Variants in CNTN4 observed in about 807,000 individuals in gnomAD.
CNTN4 encodes contactin 4, also known as contactin-4.
Under a neutral mutation model 122.5 loss-of-function variants are expected in CNTN4, and 77 were observed. The observed-to-expected ratio is 0.63, with a 90% CI of 0.52 to 0.76. The LOEUF (loss-of-function observed/expected upper bound fraction) is 0.76, where lower values mean the gene tolerates loss of function less well. Ranked by LOEUF, CNTN4 falls within the 30% of genes least tolerant of loss-of-function variation. The pLI, the probability that CNTN4 is intolerant of heterozygous loss-of-function variation, is 0.00. For missense variants in CNTN4, 1,256 were observed against 1,259.1 expected (o/e 1.00, Z 0.04); for synonymous variants, 512 against 447.0 (o/e 1.15, Z -1.83).
intron 3 of CNTN4, among the ~76,000 whole-genome samples, chr3:2,443,172 G>A (rs2048500636): frequency 6.6e-6 from 1 of 151,256 alleles, no homozygotes; most frequent in East Asian, 1.9e-4. Context: ...AAGAAGAAAA[G>A]TAACTTAGAA....
chr3:3,037,435 C>T lies in CNTN4; in HGVS notation c.2092+107C>T. Reference sequence around the variant, plus strand: ...CAGCGCTCATGCGGCTCTGTGTTAGCTCACCCTTCCCTTTAAATGTTTATA... The same window carrying T: ...CAGCGCTCATGCGGCTCTGTGTTAGTTCACCCTTCCCTTTAAATGTTTATA... On this transcript the variant is annotated intron_variant, in intron 18 of 24. Transcript: ENST00000418658. The T allele has an allele frequency of 2.1e-6, 3 of 1,428,794 alleles. No homozygotes were observed. In the South Asian group the frequency reaches 3.5e-5, roughly 16 times the overall value. The allele number at this position is 1,428,794 out of a possible 1,614,324, so 88.5% of individuals were successfully genotyped here.
intron 3 of CNTN4, among the ~76,000 whole-genome samples, chr3:2,381,192 G>C (rs1055474274): frequency 1.3e-5 from 2 of 151,988 alleles, no homozygotes; most frequent in African/African-American, 4.8e-5. Context: ...ATTTTTAGTA[G>C]AGATGGGGTT....
chr3:3,010,263 C>G (rs534301782), intron 14 of CNTN4, among the ~76,000 whole-genome samples: 31 of 152,134 alleles, frequency 2.0e-4, no homozygotes, highest in African/African-American at 5.5e-4. Context: ...TCTTCCAGTG[C>G]TCTGTTACCT....
chr3:2,170,242 C>T (rs1165787490), intron 2 of CNTN4, among the ~76,000 whole-genome samples: 1 of 151,856 alleles, frequency 6.6e-6, no homozygotes, highest in Non-Finnish European at 1.5e-5. Context: ...ATGGCGGGAA[C>T]CCGGGAGGCG....
intron 3 of CNTN4, among the ~76,000 whole-genome samples, chr3:2,404,440 G>A (rs960663547): frequency 6.6e-6 from 1 of 152,062 alleles, no homozygotes; most frequent in Admixed American, 6.6e-5. Context: ...GCATCTGCTC[G>A]CATACCCTGG....
chr3:3,018,998 TA>T (rs1698025397), intron 14 of CNTN4, among the ~76,000 whole-genome samples: 1 of 152,196 alleles, frequency 6.6e-6, no homozygotes, highest in South Asian at 2.1e-4. Flanking sequence ...AGCATCAGTG[TA>T]AATAATGATA....
chr3:2,628,166 C>A (rs1415272601), intron 4 of CNTN4, among the ~76,000 whole-genome samples: 1 of 152,168 alleles, frequency 6.6e-6, no homozygotes, highest in Non-Finnish European at 1.5e-5. Flanking sequence ...ACCACAAATG[C>A]CTGGAGGAGC....
At chr3:2,677,640 A>C (rs1234794779) in intron 4 of CNTN4, among the ~76,000 whole-genome samples, 10 of 152,150 alleles carry the variant, frequency 6.6e-5, no homozygotes, top group Admixed American at 6.6e-4. Flanking sequence ...AGCATGGTTC[A>C]TTGTGAGTTT....
In CNTN4 at chr3:2,624,096, A is replaced by G. The variant is rs1033216239; in HGVS notation, c.55+52538A>G. Among the ~76,000 whole-genome samples the G allele has an allele frequency of 3.3e-5, 5 of 152,300 alleles. No homozygotes were observed. The South Asian group carries it at 1.0e-3, about 32-fold the overall frequency. ...TCACTACTTTGAAATTTCAGTAGCT[A>G]TTACATTCACCACTAGAAACATATA... On this transcript the variant is annotated intron_variant, in intron 4 of 24. Coordinates refer to ENST00000418658, the MANE Select transcript of CNTN4 (RefSeq NM_175607.3).
rs573741082 is a variant in CNTN4, at chr3:2,928,903, A to G, written c.1358+3124A>G. 1.0e-3 allele frequency among the ~76,000 whole-genome samples: 155 copies of G among 152,326 alleles called. 1 individual carries two copies. The highest frequency in any genetic ancestry group is 3.5e-3 in the African/African-American group (144 of 41,578). On this transcript the variant is annotated intron_variant, in intron 13 of 24. Transcript: ENST00000418658. The stretch of plus-strand genomic sequence containing the variant: ...ATTGTAGTTAGCTAAGTGGATATAG[A>G]TTCAGAAACACTGGTTTAACATTAA...
At chr3:2,221,529 CA>C (rs2149491588) in intron 2 of CNTN4, among the ~76,000 whole-genome samples, 1 of 148,802 alleles carries the variant, frequency 6.7e-6, no homozygotes, top group East Asian at 2.0e-4. Flanking sequence ...AGACAAGTGA[CA>C]AAAGGAAAAG....
At chr3:2,243,848 G>T (rs754221039) in intron 2 of CNTN4, among the ~76,000 whole-genome samples, 11 of 152,068 alleles carry the variant, frequency 7.2e-5, no homozygotes, top group Non-Finnish European at 1.5e-4. Flanking sequence ...TCCCAATGGT[G>T]TAAGTTGCCA....
intron 6 of CNTN4, among the ~76,000 whole-genome samples, chr3:2,785,114 TACACACACACAC>T (rs150765167): frequency 1.4e-5 from 2 of 138,834 alleles, no homozygotes; most frequent in Admixed American, 7.8e-5. Flanking sequence ...TGTACATGCG[TACACACACACAC>T]ACACACACAC....
intron 2 of CNTN4, among the ~76,000 whole-genome samples, chr3:2,187,429 T>C (rs1188447958): frequency 2.0e-5 from 3 of 151,994 alleles, no homozygotes; most frequent in Non-Finnish European, 2.9e-5. Context: ...TTGGGAATCA[T>C]TGGTCCTTGA....
chr3:2,342,833 G>A (rs1325701462), intron 3 of CNTN4, among the ~76,000 whole-genome samples: 1 of 152,198 alleles, frequency 6.6e-6, no homozygotes, highest in African/African-American at 2.4e-5. Context: ...TTAGCAGCAT[G>A]AGAATGGACT....
intron 6 of CNTN4, among the ~76,000 whole-genome samples, chr3:2,785,553 C>G (rs1054997675): frequency 6.6e-6 from 1 of 152,118 alleles, no homozygotes; most frequent in Non-Finnish European, 1.5e-5. Flanking sequence ...CTCCTTGGCC[C>G]AAATTAACAT....
At chr3:2,328,885 G>C (rs145522166) in intron 2 of CNTN4, among the ~76,000 whole-genome samples, 1 of 152,016 alleles carries the variant, frequency 6.6e-6, no homozygotes, top group African/African-American at 2.4e-5. Context: ...ACCAAGGGAC[G>C]ACTGCATTCT....
intron 15 of CNTN4, among the ~76,000 whole-genome samples, chr3:3,026,805 A>G (rs933682798): frequency 6.6e-5 from 10 of 152,212 alleles, no homozygotes; most frequent in Admixed American, 5.9e-4. Context: ...TTTGAATTCA[A>G]AATGATTGGA....
chr3:2,253,614 A>T (rs1153503), intron 2 of CNTN4, among the ~76,000 whole-genome samples: 150,487 of 152,160 alleles, frequency 0.99, 74,443 homozygotes, highest in Middle Eastern at 1. Flanking sequence ...GGAATCAGTT[A>T]GGTCATATTG....
Sources: gnomAD v4.1 joint callset for allele counts (sites outside exome capture counted in the v4.1 genomes callset) on GRCh38, gnomAD v4.1.1 for gene constraint, MANE v1.5 for transcripts, NCBI Gene and HGNC (gene_info 2026-07-23, HGNC 2026-07-21) for gene names.